Variants in AFDN observed in about 807,000 individuals in gnomAD.
AFDN encodes afadin.
AFDN carries 68 observed loss-of-function variants against 216.6 expected under a neutral mutation model. That is an observed-to-expected ratio of 0.31 (90% CI 0.26 to 0.38). AFDN has a LOEUF of 0.38. Ranked by LOEUF, AFDN falls within the 10% of genes least tolerant of loss-of-function variation. AFDN has a pLI of 1.00. For synonymous variants in AFDN, 868 were observed against 853.7 expected (o/e 1.02, Z -0.29); for missense variants, 2,136 against 2,342.0 (o/e 0.91, Z 1.82).
intron 13 of AFDN, among the ~76,000 whole-genome samples, chr6:167,909,573 G>C (rs1790132731): frequency 6.6e-6 from 1 of 152,126 alleles, no homozygotes; most frequent in South Asian, 2.1e-4. Flanking sequence ...AGTACCAGTT[G>C]TCTAAGATTA....
At chr6:167,842,508 A>G (rs1781185135) in intron 1 of AFDN, among the ~76,000 whole-genome samples, 2 of 151,672 alleles carry the variant, frequency 1.3e-5, no homozygotes, top group South Asian at 4.2e-4. Flanking sequence ...CAAACTGTGT[A>G]TGCTTATTTA....
intron 19 of AFDN, among the ~76,000 whole-genome samples, chr6:167,916,837 C>T (rs552464733): frequency 3.9e-5 from 6 of 152,104 alleles, no homozygotes; most frequent in Admixed American, 6.5e-5. Flanking sequence ...AAATGCTTTA[C>T]GAACATAAAT....
intron 11 of AFDN, among the ~76,000 whole-genome samples, 172 bp downstream of exon 11, chr6:167,898,639 GAAAGGTCTTGACTTTGTCTTA>G (rs1418588620): frequency 6.6e-6 from 1 of 152,174 alleles, no homozygotes; most frequent in African/African-American, 2.4e-5. Flanking sequence ...GAGGAAAGAA[GAAAGGTCTTGACTTTGTCTTA>G]AAATTGGAAT....
At position 167,915,381 on chromosome 6, in the gene AFDN, A is replaced by T; in HGVS notation, c.2513A>T (p.Glu838Val). 6.2e-7 allele frequency: 1 copy of T among 1,614,208 alleles called. No individual in the cohort carries two copies. Among genetic ancestry groups the T allele is most frequent in the Non-Finnish European group, 8.5e-7 (1 of 1,180,028 alleles). ...TTGGGCCATATTGAAGCCTGGGCTGAGAAGCAGGGGCTGGAACTGGCTGCG... is the reference window on the plus strand; with the variant it reads ...TTGGGCCATATTGAAGCCTGGGCTGTGAAGCAGGGGCTGGAACTGGCTGCG... Reference protein sequence around the residue: ...QQLGHIEAWAEKQGLELAADC... With the variant: ...QQLGHIEAWAVKQGLELAADC... The change falls in exon 19 of 34, where the codon GAG (glutamate) becomes GTG (valine). Residue 838 changes from glutamate (E) to valine (V), a missense_variant. Glu to Val is a moderately radical substitution (Grantham distance 121). This residue lies in a region of AFDN where 5 missense variants were observed against 23.4 expected (regional missense o/e 0.21). Transcript: ENST00000683244.
Position 167,918,809 on chromosome 6 carries a change from G to A in AFDN, c.2784G>A (p.Val928=). ...DELARSDGRE[V]QLEEDPDLQL... ...TGGCCCGCAGTGATGGAAGGGAAGT[G>A]CAGTTGGAGGAGGATCCTGATCTGC... The change falls in exon 21 of 34, where the codon GTG becomes GTA. Residue 928 remains valine (V), a synonymous_variant. Coordinates refer to ENST00000683244, the MANE Select transcript of AFDN (RefSeq NM_001386888.1). 1 of 1,613,074 alleles carries A rather than the reference G, an allele frequency of 6.2e-7. No individual in the cohort carries two copies. Among genetic ancestry groups the A allele is most frequent in the Non-Finnish European group, 8.5e-7 (1 of 1,179,336 alleles).
chr6:167,850,924 A>T (rs1359434580), intron 1 of AFDN, among the ~76,000 whole-genome samples: 3 of 152,052 alleles, frequency 2.0e-5, no homozygotes, highest in African/African-American at 7.2e-5. Context: ...TCTGTTGCCC[A>T]TAGCTGGAGC....
intron 1 of AFDN, among the ~76,000 whole-genome samples, chr6:167,845,433 T>G (rs1781557689): frequency 6.9e-6 from 1 of 145,266 alleles, no homozygotes. Context: ...GTTTTACTCT[T>G]GTTTCCCAGG....
chr6:167,911,676 T>C, intron 15 of AFDN, 187 bp downstream of exon 15: 2 of 601,002 alleles, frequency 3.3e-6, no homozygotes, highest in South Asian at 4.3e-5. Context: ...TTTTTTCTAT[T>C]TTGTTTTCCC....
At position 167,951,254 on chromosome 6, in the gene AFDN, G is replaced by A. The variant is rs1795941608; in HGVS notation, c.3900G>A (p.Glu1300=). ...KAYQLERHRI[E]AAMDRKSDSD... The stretch of plus-strand genomic sequence containing the variant: ...ACCAACTTGAGCGGCATCGAATAGA[G>A]GCAGCTATGGACCGAAAGTCTGATA... The change falls in exon 30 of 34, where the codon GAG becomes GAA. Residue 1300 remains glutamate, a synonymous_variant. Coordinates refer to ENST00000683244, the MANE Select transcript of AFDN (RefSeq NM_001386888.1). This position sits in a 1 kb window ranked among gnomAD's most constrained non-coding sequence, Gnocchi z 7.1. 1.9e-6 allele frequency: 3 copies of A among 1,611,726 alleles called. No individual in the cohort carries two copies. The highest frequency in any genetic ancestry group is 2.5e-6 in the Non-Finnish European group (3 of 1,179,168).
rs1163726761 is a variant in AFDN, at chr6:167,952,177, G to A, written c.4823G>A (p.Arg1608Gln). The change falls in exon 30 of 34, where the codon CGA becomes CAA. Residue 1608 changes from arginine to glutamine, a missense_variant. Arg to Gln is a conservative substitution (Grantham distance 43). Coordinates refer to ENST00000683244, the MANE Select transcript of AFDN (RefSeq NM_001386888.1). The stretch of plus-strand genomic sequence containing the variant: ...ATCATGCAGCGCCTGGAGGCTGAAC[G>A]AAGAGCGAGGGTAAAGGGGGGAGTG... The part of the protein sequence containing the change: ...MLIMQRLEAE[R>Q]RARLQDEERR... 22 of 1,614,002 alleles carry A rather than the reference G, an allele frequency of 1.4e-5. No individual in the cohort carries two copies. The highest frequency in any genetic ancestry group is 2.2e-5 in the East Asian group (1 of 44,876).
chr6:167,907,342 A>G lies in AFDN; in HGVS notation c.1769+53A>G. The G allele has an allele frequency of 5.1e-6, 7 of 1,383,126 alleles. No homozygotes were observed. In the Admixed American group the frequency reaches 1.0e-4, roughly 20 times the overall value. 85.7% of individuals were successfully genotyped at this position (1,383,126 alleles called of 1,614,324 possible). A position where few individuals can be genotyped will look rare whatever the true frequency, so the allele number is the denominator to read the frequency against. On this transcript the variant is annotated intron_variant, in intron 13 of 33. Coordinates refer to ENST00000683244, the MANE Select transcript of AFDN (RefSeq NM_001386888.1). The stretch of plus-strand genomic sequence containing the variant: ...GAAAGTACTGAAAGTATTCCTAAAA[A>G]AGGGTTGGGATAAAGATTGTTGAAT...
At chr6:167,952,425 T>C (rs1796099957) in intron 30 of AFDN, 1 of 985,332 alleles carries the variant, frequency 1.0e-6, no homozygotes, top group African/African-American at 1.7e-5. Context: ...CAAATGGAAC[T>C]TGATTGTTTT....
intron 23 of AFDN, among the ~76,000 whole-genome samples, chr6:167,930,230 T>G (rs1793111222): frequency 6.6e-6 from 1 of 152,172 alleles, no homozygotes; most frequent in African/African-American, 2.4e-5. Flanking sequence ...AAATGGTTAA[T>G]CATCAGCTTA....
At chr6:167,891,591 G>GT (rs1391052956) in intron 8 of AFDN, among the ~76,000 whole-genome samples, 6 of 151,668 alleles carry the variant, frequency 4.0e-5, no homozygotes, top group Admixed American at 1.3e-4. Flanking sequence ...TCCTCTAAGT[G>GT]TTTTTTTTGT....
At chr6:167,876,048 T>G (rs1048548615) in intron 5 of AFDN, among the ~76,000 whole-genome samples, 3 of 152,210 alleles carry the variant, frequency 2.0e-5, no homozygotes, top group Non-Finnish European at 4.4e-5. Context: ...AGATGATTCT[T>G]CTGTTTGAGA....
rs1234112397 is a variant in AFDN at position 167,922,473 on chromosome 6, C to G, written c.2909-383C>G. Among the ~76,000 whole-genome samples the G allele has an allele frequency of 2.0e-5, 3 of 152,276 alleles. No individual in the cohort carries two copies. The East Asian group carries it at 5.8e-4, about 29-fold the overall frequency. On this transcript the variant is annotated intron_variant, in intron 21 of 33. Transcript: ENST00000683244. Reference sequence around the variant, plus strand: ...CCATGCTCGTATTGTTTTCTGGCTCCTTCCCTCTTTTCTTTCCCTTTGCTA... The same window carrying G: ...CCATGCTCGTATTGTTTTCTGGCTCGTTCCCTCTTTTCTTTCCCTTTGCTA...
intron 12 of AFDN, 108 bp from the exon 13 acceptor site, chr6:167,907,063 C>A: frequency 1.3e-6 from 1 of 769,228 alleles, no homozygotes; most frequent in Non-Finnish European, 2.2e-6. Flanking sequence ...TGTGTTCTTG[C>A]CTGCCCTGCT....
intron 29 of AFDN, among the ~76,000 whole-genome samples, chr6:167,949,564 G>T (rs888362994): frequency 1.3e-5 from 2 of 152,194 alleles, no homozygotes; most frequent in East Asian, 3.8e-4. Flanking sequence ...CTGATCACCT[G>T]CAACGGCCCA....
chr6:167,838,331 C>CGCTATCTT (rs1316957547), intron 1 of AFDN, among the ~76,000 whole-genome samples: 2 of 152,166 alleles, frequency 1.3e-5, no homozygotes, highest in Non-Finnish European at 2.9e-5. Context: ...CTCGCCATCT[C>CGCTATCTT]GCTTAGTCCC....
Sources: allele counts gnomAD v4.1 joint callset (sites outside exome capture counted in the v4.1 genomes callset), GRCh38; gene constraint gnomAD v4.1.1; regional missense constraint gnomAD v4.1.1; non-coding constraint Gnocchi (gnomAD v3.1); transcripts MANE v1.5; gene names NCBI Gene and HGNC (gene_info 2026-07-23, HGNC 2026-07-21).